The following AQR variants were observed in gnomAD, a reference collection of about 807,000 sequenced individuals.
The protein encoded by AQR is RNA helicase aquarius.
In AQR, 61 loss-of-function variants were observed where a neutral mutation model predicts 180.5. That is an observed-to-expected ratio of 0.34 (90% CI 0.28 to 0.42). The LOEUF is 0.42. Ranked by LOEUF, AQR falls within the 10% of genes least tolerant of loss-of-function variation. The pLI is 1.00. For synonymous variants in AQR, 551 were observed against 588.8 expected (o/e 0.94, Z 0.93); for missense variants, 1,281 against 1,798.3 (o/e 0.71, Z 5.20).
intron 13 of AQR, among the ~76,000 whole-genome samples, chr15:34,922,121 T>C (rs1054846274): frequency 1.3e-5 from 2 of 152,104 alleles, no homozygotes; most frequent in Non-Finnish European, 2.9e-5. Context: ...CTTAGGTAGG[T>C]AGCCTTTTGA....
intron 10 of AQR, 134 bp from the exon 11 acceptor site, chr15:34,932,568 T>C (rs184916480): frequency 1.2e-5 from 7 of 606,730 alleles, no homozygotes; most frequent in Admixed American, 9.8e-5. Context: ...ACACACTGTA[T>C]ACAATGCAAG....
chr15:34,944,939 A>T (rs953352278), intron 5 of AQR, among the ~76,000 whole-genome samples: 1 of 152,182 alleles, frequency 6.6e-6, no homozygotes, highest in Non-Finnish European at 1.5e-5. Context: ...AAATGCTCCA[A>T]GCGTGTGGTC....
chr15:34,856,866 C>A lies in AQR; in HGVS notation c.4384G>T (p.Val1462Leu), dbSNP rs1329149111. The change falls in exon 35 of 35, where the codon GTA becomes TTA. Residue 1462 changes from valine to leucine, a missense_variant. Coordinates refer to ENST00000156471, the MANE Select transcript of AQR (RefSeq NM_014691.3). Reference protein sequence around the residue: ...PALSETTPTVVGAVSAPAEAN... With the variant: ...PALSETTPTVLGAVSAPAEAN... ...TCTGCCGGTGCAGATACAGCTCCTA[C>A]CACAGTAGGGGTGGTCTCAGATAAA... is the stretch of plus-strand genomic sequence containing the variant. 1.2e-6 allele frequency: 2 copies of A among 1,612,488 alleles called. No homozygotes were observed. Among genetic ancestry groups the A allele is most frequent in the African/African-American group, 1.3e-5 (1 of 74,884 alleles).
chr15:34,927,654 A>G (rs1033848437), intron 12 of AQR, among the ~76,000 whole-genome samples: 4 of 121,690 alleles, frequency 3.3e-5, no homozygotes, highest in East Asian at 2.0e-4. Context: ...AGTATTGCAC[A>G]GAGTGACTGA....
At chr15:34,893,504 C>G (rs1453112196) in intron 23 of AQR, among the ~76,000 whole-genome samples, 159 bp downstream of exon 23, 5 of 151,972 alleles carry the variant, frequency 3.3e-5, no homozygotes, top group Non-Finnish European at 5.9e-5. Context: ...AAATGGAGAA[C>G]AAAGAATAAT....
intron 27 of AQR, among the ~76,000 whole-genome samples, chr15:34,878,487 AAC>A (rs1892920610): frequency 6.6e-6 from 1 of 152,132 alleles, no homozygotes; most frequent in Non-Finnish European, 1.5e-5. Flanking sequence ...GTACATTGTA[AAC>A]ACAGAACTTG....
At chr15:34,967,347 G>A (rs975703974) in intron 1 of AQR, among the ~76,000 whole-genome samples, 3 of 152,160 alleles carry the variant, frequency 2.0e-5, no homozygotes, top group Admixed American at 6.5e-5. Flanking sequence ...CCTCAAACCA[G>A]TCTGTCACAG....
At chr15:34,961,435 C>T (rs150852765) in intron 2 of AQR, among the ~76,000 whole-genome samples, 3,690 of 151,850 alleles carry the variant, frequency 0.024, 64 homozygotes, top group Non-Finnish European at 0.04. Context: ...CATGGTGAAA[C>T]CCTGTCTCTA....
intron 6 of AQR, 77 bp from the exon 7 acceptor site, chr15:34,942,157 G>T: frequency 1.9e-6 from 2 of 1,029,136 alleles, no homozygotes; most frequent in Non-Finnish European, 2.8e-6. Flanking sequence ...GAAGTATACT[G>T]CCTTTTTAAG....
intron 13 of AQR, among the ~76,000 whole-genome samples, chr15:34,926,615 C>T (rs1893768966): frequency 6.6e-6 from 1 of 152,176 alleles, no homozygotes. Context: ...TTACTATTTT[C>T]AAAAGGATAT....
chr15:34,956,696 G>GGAAAA (rs1555375570), intron 3 of AQR, among the ~76,000 whole-genome samples: 1 of 83,370 alleles, frequency 1.2e-5, no homozygotes, highest in African/African-American at 4.8e-5. Flanking sequence ...TAAGAAGTCA[G>GGAAAA]AAAAAAAAAA....
intron 3 of AQR, among the ~76,000 whole-genome samples, chr15:34,954,905 CT>C (rs1440529313): frequency 6.6e-6 from 1 of 151,742 alleles, no homozygotes; most frequent in East Asian, 1.9e-4. Flanking sequence ...GGTGGACTGC[CT>C]GAGCTCAGGG....
intron 27 of AQR, 74 bp downstream of exon 27, chr15:34,882,428 C>T (rs1401225819): frequency 1.2e-5 from 16 of 1,318,376 alleles, no homozygotes; most frequent in African/African-American, 1.1e-4. Flanking sequence ...ATTATAAATA[C>T]GAACTTCATA....
intron 33 of AQR, 32 bp from the exon 34 acceptor site, chr15:34,860,187 T>C (rs1161153382): frequency 8.4e-7 from 1 of 1,194,288 alleles, no homozygotes; most frequent in Non-Finnish European, 1.2e-6. Context: ...GTTAAGTATC[T>C]AGTAAAACAA....
intron 14 of AQR, 104 bp downstream of exon 14, chr15:34,920,228 T>TA (rs754225877): frequency 5.5e-6 from 4 of 722,674 alleles, no homozygotes; most frequent in Non-Finnish European, 9.0e-6. Flanking sequence ...ATTATCTGCC[T>TA]AATCTTTGGC....
intron 33 of AQR, among the ~76,000 whole-genome samples, chr15:34,860,444 T>C (rs1392736351): frequency 1.3e-5 from 2 of 151,884 alleles, no homozygotes; most frequent in African/African-American, 4.8e-5. Context: ...GAATAGTGAT[T>C]CCATTGAAAT....
In AQR at chr15:34,886,511, C is replaced by A; in HGVS notation, c.2817+15G>T. 3 of 1,594,214 alleles carry A rather than the reference C, an allele frequency of 1.9e-6. No individual in the cohort carries two copies. Among genetic ancestry groups the A allele is most frequent in the Non-Finnish European group, 2.6e-6 (3 of 1,174,874 alleles). On this transcript the variant is annotated intron_variant, in intron 25 of 34. Transcript: ENST00000156471. ...ATTATGATGAAGTATGATTCAAAAA[C>A]CCTTAATATCTTACCTGGTATAAGA...
At chr15:34,960,876 G>GT (rs1353706764) in intron 2 of AQR, 62 bp from the exon 3 acceptor site, 5 of 581,556 alleles carry the variant, frequency 8.6e-6, no homozygotes, top group Non-Finnish European at 1.2e-5. Flanking sequence ...TAAATTGACA[G>GT]TTTTTAATGA....
At chr15:34,953,683 T>C (rs1894266526) in intron 3 of AQR, among the ~76,000 whole-genome samples, 1 of 152,256 alleles carries the variant, frequency 6.6e-6, no homozygotes, top group Non-Finnish European at 1.5e-5. Context: ...ATAGGCCATC[T>C]TGAGTGACAC....
Sources: allele counts gnomAD v4.1 joint callset (sites outside exome capture counted in the v4.1 genomes callset), GRCh38; gene constraint gnomAD v4.1.1; transcripts MANE v1.5; gene names NCBI Gene and HGNC (gene_info 2026-07-23, HGNC 2026-07-21).